CFAP95: variants seen among roughly 807,000 people sequenced by gnomAD.
CFAP95 encodes the protein cilia- and flagella-associated protein 95.
the CFAP95 span, among the ~76,000 whole-genome samples, chr9:69,822,514 A>C: frequency 3.9e-5 from 6 of 152,196 alleles, no homozygotes; most frequent in African/African-American, 1.4e-4. Context: ...TATAGGGCTT[A>C]CCTCATAGCT....
chr9:69,832,620 ATTTTTTT>A, the CFAP95 span, among the ~76,000 whole-genome samples: 10 of 11,350 alleles, frequency 8.8e-4, no homozygotes, highest in Non-Finnish European at 1.2e-3. Flanking sequence ...GTCTATTCGG[ATTTTTTT>A]TTTTTTTTTT....
chr9:69,844,772 A>T, the CFAP95 span: 1 of 556,998 alleles, frequency 1.8e-6, no homozygotes. Context: ...GTGCTGAAGC[A>T]ACATTACCTG....
At chr9:69,883,348 C>G in the CFAP95 span, among the ~76,000 whole-genome samples, 1 of 151,930 alleles carries the variant, frequency 6.6e-6, no homozygotes, top group Non-Finnish European at 1.5e-5. Flanking sequence ...GTTGGAATGA[C>G]TCTGGTTGGA....
chr9:69,886,876 CA>C, the CFAP95 span: 1 of 1,612,802 alleles, frequency 6.2e-7, no homozygotes, highest in Non-Finnish European at 8.5e-7. Context: ...TATGTTCCAC[CA>C]TATGATTATC....
chr9:69,830,200 A>G, the CFAP95 span, among the ~76,000 whole-genome samples: 3 of 152,172 alleles, frequency 2.0e-5, no homozygotes, highest in Non-Finnish European at 4.4e-5. Flanking sequence ...TTTGGCTTTA[A>G]GGTATTTTCA....
chr9:69,844,257 A>G, the CFAP95 span, among the ~76,000 whole-genome samples: 1 of 152,202 alleles, frequency 6.6e-6, no homozygotes, highest in Non-Finnish European at 1.5e-5. Flanking sequence ...GTTCATTGGA[A>G]TCACTGAGTA....
At chr9:69,874,258 A>T in the CFAP95 span, among the ~76,000 whole-genome samples, 1 of 152,324 alleles carries the variant, frequency 6.6e-6, no homozygotes, top group African/African-American at 2.4e-5. Context: ...ATTTATAATG[A>T]GAAATAAAAA....
At chr9:69,880,393 G>A in the CFAP95 span, among the ~76,000 whole-genome samples, 5 of 152,016 alleles carry the variant, frequency 3.3e-5, no homozygotes, top group African/African-American at 1.2e-4. Context: ...CCTCAAACAC[G>A]GTGAGAACAT....
At chr9:69,834,473 AT>A in the CFAP95 span, among the ~76,000 whole-genome samples, 6 of 152,244 alleles carry the variant, frequency 3.9e-5, no homozygotes, top group Admixed American at 6.5e-5. Flanking sequence ...GTGTTGCCCT[AT>A]TTTATACATG....
the CFAP95 span, among the ~76,000 whole-genome samples, chr9:69,900,212 C>G: frequency 6.6e-6 from 1 of 151,848 alleles, no homozygotes; most frequent in South Asian, 2.1e-4. Context: ...GTATTGGGGA[C>G]CCCAATACAC....
chr9:69,844,651 G>A, the CFAP95 span: 1 of 1,528,238 alleles, frequency 6.5e-7, no homozygotes, highest in South Asian at 1.2e-5. Flanking sequence ...TACTTCGTTT[G>A]AAGTCTGAAA....
chr9:69,826,097 C>A, the CFAP95 span, among the ~76,000 whole-genome samples: 598 of 152,160 alleles, frequency 3.9e-3, 5 homozygotes, highest in African/African-American at 0.014. Context: ...GTTTTAAAGA[C>A]TTTTACACAA....
the CFAP95 span, among the ~76,000 whole-genome samples, chr9:69,887,389 A>G: frequency 2.0e-5 from 3 of 152,246 alleles, no homozygotes; most frequent in Non-Finnish European, 4.4e-5. Context: ...GGCAGTAGAC[A>G]TGAGATAGAA....
chr9:69,896,883 T>C, the CFAP95 span, among the ~76,000 whole-genome samples: 1 of 152,054 alleles, frequency 6.6e-6, no homozygotes, highest in African/African-American at 2.4e-5. Flanking sequence ...ATCAAGACTC[T>C]GTCTCTGAAA....
the CFAP95 span, among the ~76,000 whole-genome samples, chr9:69,836,689 C>CTT: frequency 5.3e-3 from 667 of 126,844 alleles, 5 homozygotes; most frequent in East Asian, 0.046. Flanking sequence ...GCTTCAATTT[C>CTT]TTTTTTTTTT....
the CFAP95 span, among the ~76,000 whole-genome samples, chr9:69,881,965 G>A: frequency 7.6e-5 from 11 of 144,736 alleles, no homozygotes; most frequent in Admixed American, 3.5e-4. Flanking sequence ...TTTTCAGATT[G>A]TTCCCTGTTA....
chr9:69,822,318 C>A, the CFAP95 span, among the ~76,000 whole-genome samples: 4 of 152,216 alleles, frequency 2.6e-5, no homozygotes, highest in African/African-American at 9.6e-5. Context: ...ATATATGCGA[C>A]CCCTGCAGTT....
the CFAP95 span, among the ~76,000 whole-genome samples, chr9:69,832,287 T>C: frequency 6.6e-6 from 1 of 152,158 alleles, no homozygotes; most frequent in Admixed American, 6.5e-5. Flanking sequence ...ATTAGAAAAA[T>C]TTAGTCTGGA....
At chr9:69,841,085 G>T in the CFAP95 span, among the ~76,000 whole-genome samples, 4 of 141,680 alleles carry the variant, frequency 2.8e-5, no homozygotes, top group Admixed American at 1.5e-4. Context: ...TGCTTTCTTG[G>T]GCCCCTTCTT....
Sources: allele counts gnomAD v4.1 joint callset (sites outside exome capture counted in the v4.1 genomes callset), GRCh38; gene constraint gnomAD v4.1.1; transcripts MANE v1.5; gene names NCBI Gene and HGNC (gene_info 2026-07-23, HGNC 2026-07-21).